The following GRM3 variants were observed in gnomAD, a reference collection of about 807,000 sequenced individuals.
GRM3 encodes metabotropic glutamate receptor 3.
Under a neutral mutation model 70.5 loss-of-function variants are expected in GRM3, and 26 were observed. That is an observed-to-expected ratio of 0.37 (90% CI 0.27 to 0.51). The LOEUF is 0.51. Ranked by LOEUF, GRM3 falls within the 20% of genes least tolerant of loss-of-function variation. GRM3 has a pLI of 0.93. For missense variants in GRM3, 859 were observed against 1,123.8 expected (o/e 0.76, Z 3.37); for synonymous variants, 443 against 434.9 (o/e 1.02, Z -0.23).
intron 3 of GRM3, among the ~76,000 whole-genome samples, chr7:86,808,994 G>A (rs1002688983): frequency 2.6e-5 from 4 of 152,000 alleles, no homozygotes; most frequent in Non-Finnish European, 5.9e-5. Flanking sequence ...CAATATCAAA[G>A]ATTTCAAATA....
chr7:86,762,597 A>G (rs1170010513), intron 1 of GRM3, among the ~76,000 whole-genome samples: 1 of 152,158 alleles, frequency 6.6e-6, no homozygotes, highest in East Asian at 1.9e-4. Flanking sequence ...CTCAATGAGC[A>G]CACAAGAAAA....
At chr7:86,653,548 A>T (rs1304424103) in intron 1 of GRM3, among the ~76,000 whole-genome samples, 1 of 152,214 alleles carries the variant, frequency 6.6e-6, no homozygotes, top group Admixed American at 6.5e-5. Flanking sequence ...ATGTCCTATT[A>T]TCTTCGTTGT....
intron 1 of GRM3, among the ~76,000 whole-genome samples, chr7:86,712,495 T>G (rs1562834636): frequency 6.6e-6 from 1 of 152,108 alleles, no homozygotes; most frequent in Non-Finnish European, 1.5e-5. Context: ...TAGAAACATT[T>G]AAATTATTCC....
At chr7:86,698,851 T>C (rs1411011189) in intron 1 of GRM3, among the ~76,000 whole-genome samples, 4 of 152,042 alleles carry the variant, frequency 2.6e-5, no homozygotes, top group Non-Finnish European at 5.9e-5. Context: ...TTCCATCCTG[T>C]CTTCCTCATT....
intron 1 of GRM3, 170 bp downstream of exon 1, chr7:86,645,042 T>C (rs537625072): frequency 6.2e-4 from 222 of 358,822 alleles, no homozygotes; most frequent in Non-Finnish European, 1.1e-3. Context: ...GATGTGGGTG[T>C]GCATGAGTGA....
At chr7:86,781,502 G>C (rs1357723339) in intron 2 of GRM3, among the ~76,000 whole-genome samples, 1 of 152,020 alleles carries the variant, frequency 6.6e-6, no homozygotes, top group East Asian at 1.9e-4. Flanking sequence ...CTTAAACTCA[G>C]GAATTTACAT....
rs1796937671 is a variant in GRM3 at position 86,777,978 on chromosome 7, C to A, written c.469-8283C>A. ...TAACAGATGGTTCAAAGTGCAGCAACTCAATGGTTCTCTTCCAGGCACATA... is the reference window on the plus strand; with the variant it reads ...TAACAGATGGTTCAAAGTGCAGCAAATCAATGGTTCTCTTCCAGGCACATA... On this transcript the variant is annotated intron_variant, in intron 2 of 5. Transcript: ENST00000361669. Among the ~76,000 whole-genome samples the A allele has an allele frequency of 2.0e-5, 3 of 152,168 alleles. No individual in the cohort carries two copies. In the South Asian group the frequency reaches 6.2e-4, roughly 31 times the overall value.
chr7:86,838,761 G>A lies in GRM3; in HGVS notation c.1325-78G>A. On this transcript the variant is annotated intron_variant, in intron 3 of 5. Transcript: ENST00000361669. ...ACCATTTCCTGTTATTTCAGTGTAT[G>A]GCATAAAGTAATTGACTAATCACAC... 1.5e-5 allele frequency: 11 copies of A among 720,570 alleles called. No homozygotes were observed. The South Asian group carries it at 2.0e-4, about 13-fold the overall frequency. 44.6% of individuals were successfully genotyped at this position (720,570 alleles called of 1,614,324 possible).
At chr7:86,833,200 A>T (rs1798387971) in intron 3 of GRM3, 1 of 508,510 alleles carries the variant, frequency 2.0e-6, no homozygotes, top group Non-Finnish European at 2.5e-6. Flanking sequence ...GAACAATGAG[A>T]ACACATGGAC....
chr7:86,806,149 T>C (rs1435279164), intron 3 of GRM3, among the ~76,000 whole-genome samples: 4 of 152,204 alleles, frequency 2.6e-5, no homozygotes, highest in Admixed American at 6.5e-5. Flanking sequence ...AGTCTATCAT[T>C]GATGGACATT....
chr7:86,729,058 G>A (rs1795659453), intron 1 of GRM3, among the ~76,000 whole-genome samples: 2 of 152,276 alleles, frequency 1.3e-5, no homozygotes, highest in African/African-American at 2.4e-5. Flanking sequence ...TTTGTAGAAT[G>A]AGTCCAGATG....
chr7:86,746,983 C>T (rs1796118506), intron 1 of GRM3, among the ~76,000 whole-genome samples: 1 of 152,092 alleles, frequency 6.6e-6, no homozygotes, highest in Non-Finnish European at 1.5e-5. Flanking sequence ...GAATCATAAA[C>T]TTAGCTCTAG....
intron 2 of GRM3, chr7:86,784,646 A>G (rs1797176985): frequency 6.6e-6 from 1 of 152,228 alleles, no homozygotes; most frequent in Non-Finnish European, 1.5e-5. Flanking sequence ...TTTTGTCCAG[A>G]GTCTCCTAGT....
intron 1 of GRM3, among the ~76,000 whole-genome samples, chr7:86,688,000 G>A (rs2116008703): frequency 6.6e-6 from 1 of 151,694 alleles, no homozygotes; most frequent in East Asian, 1.9e-4. Context: ...TGTATTAATA[G>A]CAAGATAACA....
At chr7:86,827,928 C>T (rs1351852331) in intron 3 of GRM3, among the ~76,000 whole-genome samples, 6 of 151,892 alleles carry the variant, frequency 4.0e-5, no homozygotes, top group African/African-American at 1.4e-4. Flanking sequence ...CTGGCTAACA[C>T]GGTGAAACCC....
intron 3 of GRM3, chr7:86,833,059 G>C (rs1798385297): frequency 1.0e-6 from 1 of 976,822 alleles, no homozygotes; most frequent in Non-Finnish European, 1.2e-6. Context: ...CCAGTGAAAG[G>C]TGAAGTGATG....
chr7:86,680,199 A>G (rs1794410355), intron 1 of GRM3, among the ~76,000 whole-genome samples: 1 of 152,158 alleles, frequency 6.6e-6, no homozygotes, highest in Non-Finnish European at 1.5e-5. Flanking sequence ...ACAAAGCATG[A>G]GGATTACTGA....
At chr7:86,836,691 A>C in intron 3 of GRM3, among the ~76,000 whole-genome samples, 1 of 152,114 alleles carries the variant, frequency 6.6e-6, no homozygotes. Flanking sequence ...TTCCTTTTTC[A>C]TGAAGTTCTT....
chr7:86,852,723 T>C (rs1051951898), intron 5 of GRM3, among the ~76,000 whole-genome samples: 1 of 152,190 alleles, frequency 6.6e-6, no homozygotes, highest in Non-Finnish European at 1.5e-5. Flanking sequence ...TCTCTTGGCA[T>C]TTTAACGTGC....
Sources: gnomAD v4.1 joint callset for allele counts (sites outside exome capture counted in the v4.1 genomes callset) on GRCh38, gnomAD v4.1.1 for gene constraint, MANE v1.5 for transcripts, NCBI Gene and HGNC (gene_info 2026-07-23, HGNC 2026-07-21) for gene names.